The following CLVS1 variants were observed in gnomAD, a reference collection of about 807,000 sequenced individuals.
CLVS1 encodes the protein clavesin-1.
Under a neutral mutation model 33.1 loss-of-function variants are expected in CLVS1, and 10 were observed. The ratio of observed to expected loss-of-function variants is 0.30; its 90% CI spans 0.19 to 0.51. The LOEUF is 0.51. Among genes scored for constraint, CLVS1 ranks in the 20% least tolerant of loss-of-function variants. The pLI is 0.97. For synonymous variants in CLVS1, 163 were observed against 166.1 expected, an observed-to-expected ratio of 0.98 and a Z score of 0.14; for missense variants, 343 against 433.4, an observed-to-expected ratio of 0.79 and a Z score of 1.85.
At chr8:61,230,842 T>G (rs1008276448) in intron 2 of CLVS1, among the ~76,000 whole-genome samples, 1 of 152,208 alleles carries the variant, frequency 6.6e-6, no homozygotes, top group Non-Finnish European at 1.5e-5. Context: ...ACTGGCAGAC[T>G]TGGTGTCTGG....
At chr8:61,366,400 T>C (rs1019267727) in intron 2 of CLVS1, among the ~76,000 whole-genome samples, 8 of 152,240 alleles carry the variant, frequency 5.3e-5, no homozygotes, top group African/African-American at 1.7e-4. Flanking sequence ...TAACCTTATG[T>C]GAATGCAGGC....
chr8:61,232,041 T>TTTTTTTTGTTTTG (rs1808454600), intron 2 of CLVS1, among the ~76,000 whole-genome samples: 11 of 116,000 alleles, frequency 9.5e-5, no homozygotes, highest in African/African-American at 4.8e-4. Flanking sequence ...TTTTTTTTTT[T>TTTTTTTTGTTTTG]TTTTTTTTTG....
chr8:61,126,984 T>G (rs1186299890), intron 1 of CLVS1, among the ~76,000 whole-genome samples: 1 of 152,172 alleles, frequency 6.6e-6, no homozygotes, highest in Non-Finnish European at 1.5e-5. Flanking sequence ...GGCCTGGGTC[T>G]TTTACCTTCC....
intron 2 of CLVS1, among the ~76,000 whole-genome samples, chr8:61,245,689 A>G (rs1386156125): frequency 6.6e-6 from 1 of 151,426 alleles, no homozygotes; most frequent in Admixed American, 6.6e-5. Context: ...ATATATATAT[A>G]CATATATATA....
intron 2 of CLVS1, among the ~76,000 whole-genome samples, chr8:61,220,232 C>T (rs549283547): frequency 1.3e-5 from 2 of 152,260 alleles, no homozygotes; most frequent in Admixed American, 1.3e-4. Flanking sequence ...AAGTCTTTGT[C>T]CATGCCTACA....
chr8:61,421,306 G>A (rs1381752950), intron 3 of CLVS1, among the ~76,000 whole-genome samples: 2 of 152,182 alleles, frequency 1.3e-5, no homozygotes, highest in African/African-American at 4.8e-5. Flanking sequence ...GTGCAGCAAA[G>A]TGGGCCTGGT....
chr8:60,985,708 A>G, the CLVS1 span, among the ~76,000 whole-genome samples: 2 of 152,092 alleles, frequency 1.3e-5, no homozygotes, highest in Non-Finnish European at 2.9e-5. Flanking sequence ...GTTGCAAAGT[A>G]TAATAGTAGC....
intron 2 of CLVS1, among the ~76,000 whole-genome samples, chr8:61,323,690 G>A (rs1175727849): frequency 6.6e-6 from 1 of 151,874 alleles, no homozygotes; most frequent in African/African-American, 2.4e-5. Context: ...AGGGTTACAA[G>A]TGTAGCTTTG....
chr8:61,199,839 T>A (rs1414658421), intron 2 of CLVS1, among the ~76,000 whole-genome samples: 4 of 152,220 alleles, frequency 2.6e-5, no homozygotes, highest in African/African-American at 9.7e-5. Flanking sequence ...CTCTGCTAAG[T>A]CTTCCCCCTC....
intron 2 of CLVS1, among the ~76,000 whole-genome samples, chr8:61,132,498 GTC>G: frequency 6.6e-6 from 1 of 152,228 alleles, no homozygotes; most frequent in Admixed American, 6.5e-5. Context: ...AGGCTTCAGG[GTC>G]TGTCAGATAC....
chr8:60,990,811 C>T, the CLVS1 span, among the ~76,000 whole-genome samples: 1 of 151,552 alleles, frequency 6.6e-6, no homozygotes, highest in South Asian at 2.1e-4. Context: ...TGGTTTCAAG[C>T]GATTCTCCTG....
At chr8:61,463,016 G>A (rs1449061478) in intron 5 of CLVS1, among the ~76,000 whole-genome samples, 2 of 152,182 alleles carry the variant, frequency 1.3e-5, no homozygotes, top group African/African-American at 2.4e-5. Context: ...GTTGTTTAGT[G>A]TAGCCAGCTT....
At chr8:61,497,700 A>C (rs186735773) in intron 5 of CLVS1, among the ~76,000 whole-genome samples, 68 of 152,348 alleles carry the variant, frequency 4.5e-4, no homozygotes, top group African/African-American at 1.6e-3. Context: ...GGGGAAGTCC[A>C]TAGAGTAAAG....
chr8:61,384,605 G>A (rs577547657), intron 3 of CLVS1, among the ~76,000 whole-genome samples: 15 of 152,232 alleles, frequency 9.9e-5, no homozygotes, highest in African/African-American at 2.9e-4. Flanking sequence ...AGACAGGAAC[G>A]GGCAGGTGTG....
chr8:61,100,773 A>G (rs1585610618), intron 1 of CLVS1, among the ~76,000 whole-genome samples: 1 of 151,962 alleles, frequency 6.6e-6, no homozygotes, highest in Non-Finnish European at 1.5e-5. Flanking sequence ...GGGAACCACA[A>G]TTCTATTTTC....
intron 3 of CLVS1, among the ~76,000 whole-genome samples, chr8:61,430,675 AG>A (rs1228400608): frequency 1.3e-5 from 2 of 152,192 alleles, no homozygotes; most frequent in Non-Finnish European, 2.9e-5. Context: ...TGCTACTGCC[AG>A]GTCCTGCTCT....
intron 3 of CLVS1, among the ~76,000 whole-genome samples, chr8:61,407,513 T>A (rs73682294): frequency 0.014 from 2,059 of 152,314 alleles, 33 homozygotes; most frequent in African/African-American, 0.047. Context: ...AAAAATGACA[T>A]TTGAAAATTA....
At chr8:61,467,638 ATATCCC>A (rs1817594443) in intron 5 of CLVS1, among the ~76,000 whole-genome samples, 1 of 152,120 alleles carries the variant, frequency 6.6e-6, no homozygotes, top group African/African-American at 2.4e-5. Flanking sequence ...TCGAAACTGT[ATATCCC>A]CACCATACAG....
At chr8:61,480,455 G>A (rs552328627) in intron 5 of CLVS1, among the ~76,000 whole-genome samples, 35 of 152,314 alleles carry the variant, frequency 2.3e-4, no homozygotes, top group Admixed American at 3.9e-4. Flanking sequence ...GGGTGGGAGT[G>A]ACCTGATTTT....
Sources: gnomAD v4.1 joint callset for allele counts (sites outside exome capture counted in the v4.1 genomes callset) on GRCh38, gnomAD v4.1.1 for gene constraint, MANE v1.5 for transcripts, NCBI Gene and HGNC (gene_info 2026-07-23, HGNC 2026-07-21) for gene names.